Variants in RBM33 observed in about 807,000 individuals in gnomAD.
RBM33 encodes the protein RNA-binding protein 33.
RBM33 carries 28 observed loss-of-function variants against 132.6 expected under a neutral mutation model. The ratio of observed to expected loss-of-function variants is 0.21; its 90% CI spans 0.16 to 0.29. The LOEUF (loss-of-function observed/expected upper bound fraction) is 0.29. RBM33 is among the 10% of genes least tolerant of loss of function. RBM33 has a pLI of 1.00. For missense variants in RBM33, 1,291 were observed against 1,518.5 expected, an observed-to-expected ratio of 0.85 and a Z score of 2.49; for synonymous variants, 634 against 593.0, an observed-to-expected ratio of 1.07 and a Z score of -1.01.
intron 1 of RBM33, among the ~76,000 whole-genome samples, chr7:155,653,670 G>A (rs967253544): frequency 3.3e-5 from 5 of 152,192 alleles, no homozygotes; most frequent in African/African-American, 7.2e-5. Flanking sequence ...GCACCTCCTC[G>A]TGCTGGGAGG....
At chr7:155,690,918 A>G (rs571022152) in intron 5 of RBM33, among the ~76,000 whole-genome samples, 5 of 151,968 alleles carry the variant, frequency 3.3e-5, no homozygotes, top group African/African-American at 1.2e-4. Context: ...CTTCATTTCA[A>G]CTTTGGTGAA....
rs1362125976 is a variant in RBM33, at chr7:155,766,472, C to T, written c.3192C>T (p.Ile1064=). 2 of 1,613,302 alleles carry T rather than the reference C, an allele frequency of 1.2e-6. No homozygotes were observed. Among genetic ancestry groups the T allele is most frequent in the South Asian group, 1.1e-5 (1 of 90,988 alleles). ...IQGIHPAKKA[I]MHGRGRGVAG... Reference sequence around the variant, plus strand: ...ATTTCCTTTGTTGTCACCAGGCCATCATGCACGGACGAGGCAGAGGAGTGG... The same window carrying T: ...ATTTCCTTTGTTGTCACCAGGCCATTATGCACGGACGAGGCAGAGGAGTGG... Residue 1064 remains isoleucine (I), a synonymous_variant, in exon 16 of 18, where the codon ATC becomes ATT. Coordinates refer to ENST00000401878, the MANE Select transcript of RBM33 (RefSeq NM_053043.3).
intron 14 of RBM33, among the ~76,000 whole-genome samples, chr7:155,749,132 T>C (rs1801616508): frequency 6.6e-6 from 1 of 152,174 alleles, no homozygotes; most frequent in South Asian, 2.1e-4. Context: ...TTTCTGAACT[T>C]TAATTTCCAA....
At chr7:155,721,110 T>C (rs1800610823) in intron 9 of RBM33, among the ~76,000 whole-genome samples, 1 of 151,196 alleles carries the variant, frequency 6.6e-6, no homozygotes, top group South Asian at 2.1e-4. Flanking sequence ...GCTCCTAGGA[T>C]AGGTAACATT....
At chr7:155,744,825 C>G in intron 13 of RBM33, 136 bp from the exon 14 acceptor site, 7 of 875,316 alleles carry the variant, frequency 8.0e-6, no homozygotes, top group Non-Finnish European at 1.2e-5. Context: ...TTAAAGTCTT[C>G]AAACAGATTT....
intron 9 of RBM33, among the ~76,000 whole-genome samples, chr7:155,724,990 TTG>T (rs56739117): frequency 0.1 from 12,725 of 123,030 alleles, 589 homozygotes; most frequent in South Asian, 0.12. Context: ...GTGTACAGGT[TTG>T]TGTGTGTGTG....
intron 12 of RBM33, 105 bp downstream of exon 12, chr7:155,740,131 T>C: frequency 7.2e-7 from 1 of 1,396,080 alleles, no homozygotes. Flanking sequence ...AGTTCTGATT[T>C]CTGTTTATAA....
rs780345929 is a variant in RBM33 at position 155,739,846 on chromosome 7, C to CCAGCACCCACCA, written c.1878_1889dup (p.Pro630_His633dup). The CCAGCACCCACCA allele has an allele frequency of 3.3e-6, 5 of 1,494,530 alleles. No homozygotes were observed. Among genetic ancestry groups the CCAGCACCCACCA allele is most frequent in the East Asian group, 2.5e-5 (1 of 40,388 alleles). 92.6% of individuals were successfully genotyped at this position (1,494,530 alleles called of 1,614,324 possible). A position where few individuals can be genotyped will look rare whatever the true frequency, so the allele number is the denominator to read the frequency against. On this transcript the variant is annotated inframe_insertion, in exon 12 of 18. Coordinates refer to ENST00000401878, the MANE Select transcript of RBM33 (RefSeq NM_053043.3). ...CCCCGCCCCAGCACCAGCCCCCACC[C>CCAGCACCCACCA]CAGCACCCACCACAGCACCCGCCGC...
chr7:155,751,155 AT>A (rs1399225520), intron 14 of RBM33, among the ~76,000 whole-genome samples: 1 of 152,100 alleles, frequency 6.6e-6, no homozygotes, highest in East Asian at 1.9e-4. Context: ...TTTTAATATA[AT>A]TTTAGTTTTA....
intron 5 of RBM33, among the ~76,000 whole-genome samples, chr7:155,700,546 C>CTTTTTTTTTTT: frequency 1.2e-5 from 1 of 85,582 alleles, no homozygotes; most frequent in Non-Finnish European, 2.3e-5. Flanking sequence ...AGAATTTGAC[C>CTTTTTTTTTTT]TTTTTTTTTT....
chr7:155,671,521 G>A (rs1798942293), intron 2 of RBM33, among the ~76,000 whole-genome samples: 1 of 152,124 alleles, frequency 6.6e-6, no homozygotes, highest in South Asian at 2.1e-4. Flanking sequence ...GCGTTATATA[G>A]AAACATGCAT....
intron 16 of RBM33, among the ~76,000 whole-genome samples, chr7:155,770,594 CTTTTTTT>C (rs34251346): frequency 1.5e-5 from 2 of 136,266 alleles, no homozygotes; most frequent in African/African-American, 5.4e-5. Context: ...CAGCTGATAC[CTTTTTTT>C]TTTTTTTTTT....
At chr7:155,704,731 G>A (rs967415822) in intron 6 of RBM33, among the ~76,000 whole-genome samples, 2 of 152,170 alleles carry the variant, frequency 1.3e-5, no homozygotes, top group Non-Finnish European at 2.9e-5. Flanking sequence ...ATTGGCACGT[G>A]TTACATGTTC....
intron 9 of RBM33, among the ~76,000 whole-genome samples, chr7:155,725,338 A>G (rs1252344013): frequency 6.6e-6 from 1 of 151,812 alleles, no homozygotes; most frequent in African/African-American, 2.4e-5. Context: ...GAGCAAAAGT[A>G]AAAAATTATT....
intron 5 of RBM33, among the ~76,000 whole-genome samples, chr7:155,688,019 A>G (rs977404879): frequency 6.6e-6 from 1 of 152,200 alleles, no homozygotes; most frequent in African/African-American, 2.4e-5. Flanking sequence ...GAAGAAAGTC[A>G]TTGGCAGCTT....
At position 155,708,933 on chromosome 7, in the gene RBM33, G is replaced by T. The variant is rs543845424; in HGVS notation, c.948+1865G>T. On this transcript the variant is annotated intron_variant, in intron 7 of 17. Coordinates refer to ENST00000401878, the MANE Select transcript of RBM33 (RefSeq NM_053043.3). ...CTTGTACCCATTTTCTCCTTGGTTG[G>T]CTCTTTCCTGCCTGGATTCCGTTCT... 1.1e-4 allele frequency among the ~76,000 whole-genome samples: 17 copies of T among 151,546 alleles called. No individual in the cohort carries two copies. In the South Asian group the frequency reaches 3.6e-3, roughly 32 times the overall value.
intron 14 of RBM33, among the ~76,000 whole-genome samples, chr7:155,757,114 A>G (rs1288732859): frequency 6.6e-6 from 1 of 151,708 alleles, no homozygotes; most frequent in Non-Finnish European, 1.5e-5. Context: ...CCACTAATAA[A>G]GTAAAATTTG....
At chr7:155,742,578 G>A (rs1235947757) in intron 13 of RBM33, among the ~76,000 whole-genome samples, 1 of 152,186 alleles carries the variant, frequency 6.6e-6, no homozygotes, top group African/African-American at 2.4e-5. Context: ...CTGACACCTG[G>A]TGAATCCCGT....
chr7:155,739,966 C>T lies in RBM33; in HGVS notation c.1989C>T (p.Thr663=), dbSNP rs777514318. 36 of 1,563,464 alleles carry T rather than the reference C, an allele frequency of 2.3e-5. No individual in the cohort carries two copies. Among genetic ancestry groups the T allele is most frequent in the South Asian group, 2.0e-4 (17 of 84,818 alleles). Residue 663 remains threonine (T), a synonymous_variant, in exon 12 of 18, where the codon ACC becomes ACT. Transcript: ENST00000401878. Reference sequence around the variant, plus strand: ...CACAGTTCCGGCCTCACGTACAGACCGCTCAGCCTCAGGCCAGCAGCAGCC... The same window carrying T: ...CACAGTTCCGGCCTCACGTACAGACTGCTCAGCCTCAGGCCAGCAGCAGCC... ...SQPQFRPHVQ[T]AQPQASSSRM... is the part of the protein sequence containing the mutation.
Sources: allele counts gnomAD v4.1 joint callset (sites outside exome capture counted in the v4.1 genomes callset), GRCh38; gene constraint gnomAD v4.1.1; transcripts MANE v1.5; gene names NCBI Gene and HGNC (gene_info 2026-07-23, HGNC 2026-07-21).